ZNF420: variants seen among roughly 807,000 people sequenced by gnomAD.
ZNF420 encodes the protein ATM and p53-associated KZNF protein.
A neutral mutation model predicts 44.7 loss-of-function variants in ZNF420; 31 were observed. The observed-to-expected ratio is 0.69, with a 90% CI of 0.52 to 0.94. ZNF420 has a LOEUF of 0.94. Ranked by LOEUF, ZNF420 falls within the 40% of genes least tolerant of loss-of-function variation. ZNF420 has a pLI of 0.00. For missense variants in ZNF420, 681 were observed against 827.9 expected, an observed-to-expected ratio of 0.82 and a Z score of 2.18; for synonymous variants, 245 against 267.4, an observed-to-expected ratio of 0.92 and a Z score of 0.82.
intron 1 of ZNF420, among the ~76,000 whole-genome samples, chr19:37,042,065 TC>T (rs1196962148): frequency 6.6e-6 from 1 of 152,238 alleles, no homozygotes; most frequent in Non-Finnish European, 1.5e-5. Context: ...TGTGGCGTGA[TC>T]TTGGCTCACT....
At chr19:37,086,710 C>T (rs1042461823) in intron 2 of ZNF420, among the ~76,000 whole-genome samples, 3 of 152,046 alleles carry the variant, frequency 2.0e-5, no homozygotes, top group African/African-American at 7.2e-5. Context: ...ATGAGTTGAT[C>T]CTCCTTATTG....
intron 1 of ZNF420, among the ~76,000 whole-genome samples, chr19:37,013,126 G>T (rs1039689741): frequency 2.0e-5 from 3 of 151,864 alleles, no homozygotes; most frequent in African/African-American, 7.3e-5. Context: ...AGATCAAGAC[G>T]ACCACCCCAC....
At position 37,012,760 on chromosome 19, in the gene ZNF420, A is replaced by ATGTGTGTGTGTGTGTG. The variant is rs780627236; in HGVS notation, c.-125+4681_-125+4682insGTGTGTGTGTGTGTGT. On this transcript the variant is annotated intron_variant, in intron 1 of 4. Coordinates refer to the ZNF420 transcript ENST00000587029. The stretch of plus-strand genomic sequence containing the variant: ...GGGTGTGCTTCTGTGCCACTGCTAT[A>ATGTGTGTGTGTGTGTG]TGTCTCTGTGTGTGTGTGTGTGTGT... 3.8e-4 allele frequency among the ~76,000 whole-genome samples: 39 copies of ATGTGTGTGTGTGTGTG among 102,010 alleles called. 1 individual carries two copies. Among genetic ancestry groups the ATGTGTGTGTGTGTGTG allele is most frequent in the South Asian group, 7.4e-4 (2 of 2,694 alleles). 66.9% of individuals were successfully genotyped at this position (102,010 alleles called of 152,430 possible).
chr19:37,029,052 A>G (rs1038560461), intron 1 of ZNF420, among the ~76,000 whole-genome samples: 4 of 152,228 alleles, frequency 2.6e-5, no homozygotes, highest in African/African-American at 9.6e-5. Flanking sequence ...TTATCGATGC[A>G]GCAACCTTTT....
rs1320093092 is a variant in ZNF420, at chr19:37,096,902, C to CT, written c.136+5795dup. Among the ~76,000 whole-genome samples the CT allele has an allele frequency of 6.4e-3, 902 of 141,992 alleles. 6 individuals carry two copies. The highest frequency in any genetic ancestry group is 0.013 in the African/African-American group (513 of 39,120). 93.2% of individuals were successfully genotyped at this position (141,992 alleles called of 152,430 possible). On this transcript the variant is annotated intron_variant, in intron 4 of 4. Transcript: ENST00000337995. ...TAAAGTTTCATGGTTTTTTCTTATT[C>CT]TTTTTTTTTTTTTTGAGACAGAGTC...
intron 4 of ZNF420, among the ~76,000 whole-genome samples, chr19:37,098,339 C>G (rs888338913): frequency 6.6e-6 from 1 of 152,142 alleles, no homozygotes; most frequent in Non-Finnish European, 1.5e-5. Context: ...ATAATAGGTA[C>G]TATGACCAGC....
chr19:37,106,185 A>C (rs941337181), intron 4 of ZNF420, among the ~76,000 whole-genome samples: 1 of 152,208 alleles, frequency 6.6e-6, no homozygotes, highest in Non-Finnish European at 1.5e-5. Flanking sequence ...TTTGAGATAC[A>C]TCCCATCAAT....
chr19:37,093,132 G>A (rs1433017468), intron 4 of ZNF420: 1 of 152,088 alleles, frequency 6.6e-6, no homozygotes, highest in Non-Finnish European at 1.5e-5. Context: ...ATGGTGGAAG[G>A]GAGGGGGAGT....
chr19:37,039,757 G>A (rs1967420564), intron 1 of ZNF420, among the ~76,000 whole-genome samples: 2 of 151,060 alleles, frequency 1.3e-5, no homozygotes, highest in African/African-American at 4.9e-5. Context: ...CTGGATTGCA[G>A]TGGTGTGATC....
chr19:37,057,998 C>T (rs1043307934), intron 1 of ZNF420, among the ~76,000 whole-genome samples: 21 of 152,180 alleles, frequency 1.4e-4, no homozygotes, highest in Non-Finnish European at 2.8e-4. Context: ...GACACTCCTT[C>T]CCTTAACCCT....
rs1370112225 is a variant in ZNF420, at chr19:37,130,039, T to G, written c.*981T>G. The G allele has an allele frequency of 1.3e-6, 2 of 1,538,502 alleles. No individual in the cohort carries two copies. The highest frequency in any genetic ancestry group is 2.5e-5 in the East Asian group (1 of 40,594). The stretch of plus-strand genomic sequence containing the variant: ...AATTTCTGGGCTGAAAATCTCAGCC[T>G]TCCTTGCAGGTCAACAAGATAGAAG... On this transcript the variant is annotated 3_prime_UTR_variant, in exon 5 of 5. Transcript: ENST00000337995.
chr19:37,077,862 ATAAAATCCCAT>A (rs1968198872), upstream of ZNF420, among the ~76,000 whole-genome samples: 1 of 152,188 alleles, frequency 6.6e-6, no homozygotes, highest in Non-Finnish European at 1.5e-5. Flanking sequence ...CTACACAGTT[ATAAAATCCCAT>A]TACTACGCAG....
At chr19:37,041,200 G>T (rs951449150) in intron 1 of ZNF420, among the ~76,000 whole-genome samples, 5 of 151,720 alleles carry the variant, frequency 3.3e-5, no homozygotes, top group African/African-American at 1.2e-4. Context: ...GCACACTCCT[G>T]GAAATTCTCC....
chr19:37,103,265 GATTAT>G (rs2146611225), intron 4 of ZNF420, among the ~76,000 whole-genome samples: 1 of 151,770 alleles, frequency 6.6e-6, no homozygotes, highest in African/African-American at 2.4e-5. Flanking sequence ...TTAATTCTAG[GATTAT>G]ATGTTTTTTC....
chr19:37,118,867 C>T (rs1440589745), intron 4 of ZNF420, among the ~76,000 whole-genome samples: 3 of 152,038 alleles, frequency 2.0e-5, no homozygotes, highest in Non-Finnish European at 2.9e-5. Context: ...TCAAAAGAGA[C>T]AAAGAAGGCC....
At chr19:37,009,717 T>A (rs894482229) in intron 1 of ZNF420, among the ~76,000 whole-genome samples, 3 of 152,292 alleles carry the variant, frequency 2.0e-5, no homozygotes, top group Admixed American at 2.0e-4. Flanking sequence ...TTCAGGCCCA[T>A]GGGATCTTTC....
At chr19:37,102,747 A>G (rs1475361902) in intron 4 of ZNF420, among the ~76,000 whole-genome samples, 1 of 152,182 alleles carries the variant, frequency 6.6e-6, no homozygotes, top group African/African-American at 2.4e-5. Flanking sequence ...GTGAGGGGAT[A>G]TGAGTGGGTT....
chr19:37,039,622 G>T (rs1334385758), intron 1 of ZNF420, among the ~76,000 whole-genome samples: 1 of 152,096 alleles, frequency 6.6e-6, no homozygotes, highest in Non-Finnish European at 1.5e-5. Flanking sequence ...ATTCTTAAGA[G>T]ATGCCCTAGG....
At chr19:37,110,758 C>T (rs368527965) in intron 4 of ZNF420, among the ~76,000 whole-genome samples, 1 of 152,170 alleles carries the variant, frequency 6.6e-6, no homozygotes, top group Non-Finnish European at 1.5e-5. Context: ...ATTACTTGCT[C>T]TTTTGGCTCT....
Sources: gnomAD v4.1 joint callset for allele counts (sites outside exome capture counted in the v4.1 genomes callset) on GRCh38, gnomAD v4.1.1 for gene constraint, MANE v1.5 for transcripts, NCBI Gene and HGNC (gene_info 2026-07-23, HGNC 2026-07-21) for gene names.